The following PLCH2 variants were observed in gnomAD, a reference collection of about 807,000 sequenced individuals.
The protein encoded by PLCH2 is phospholipase C eta 2.
PLCH2 carries 98 observed loss-of-function variants against 134.7 expected under a neutral mutation model. That is an observed-to-expected ratio of 0.73 (90% CI 0.62 to 0.86). PLCH2 has a LOEUF of 0.86. PLCH2 is among the 40% of genes least tolerant of loss of function. The pLI is 0.00. For synonymous variants in PLCH2, 974 were observed against 827.5 expected, an observed-to-expected ratio of 1.18 and a Z score of -3.04; for missense variants, 1,994 against 1,986.6, an observed-to-expected ratio of 1.00 and a Z score of -0.07.
chr1:2,496,979 G>T lies in PLCH2; in HGVS notation c.2085G>T (p.Pro695=). ...GTGTGGACTCCAGCAACTACAACCC[G>T]CAGCCCTTCTGGAACGCCGGCTGCC... ...SYRVDSSNYN[P]QPFWNAGCQM... The change falls in exon 15 of 22, where the codon CCG becomes CCT. Residue 695 remains proline, a synonymous_variant. Coordinates refer to ENST00000378486, the MANE Select transcript of PLCH2 (RefSeq NM_014638.4). 6.2e-7 allele frequency: 1 copy of T among 1,613,268 alleles called. No homozygotes were observed. Among genetic ancestry groups the T allele is most frequent in the Non-Finnish European group, 8.5e-7 (1 of 1,179,798 alleles).
chr1:2,454,467 G>A (rs1335100959), intron 2 of PLCH2, among the ~76,000 whole-genome samples: 2 of 152,210 alleles, frequency 1.3e-5, no homozygotes, highest in African/African-American at 4.8e-5. Context: ...TCCCCTCCGG[G>A]AGGATGGTCT....
chr1:2,445,507 G>C (rs1334801902), intron 2 of PLCH2, among the ~76,000 whole-genome samples: 1 of 152,050 alleles, frequency 6.6e-6, no homozygotes, highest in Non-Finnish European at 1.5e-5. Context: ...CTGAGCATGA[G>C]GCTGGGGTCA....
At chr1:2,416,187 C>A in the PLCH2 span, among the ~76,000 whole-genome samples, 2 of 152,208 alleles carry the variant, frequency 1.3e-5, no homozygotes, top group Non-Finnish European at 2.9e-5. Context: ...CTCAGGACCC[C>A]GAGGAGGGCA....
chr1:2,431,136 G>A (rs531260118), intron 2 of PLCH2, among the ~76,000 whole-genome samples: 19 of 152,200 alleles, frequency 1.2e-4, no homozygotes, highest in African/African-American at 3.1e-4. Flanking sequence ...GCTGCCCTGC[G>A]TGTGCGTGTG....
chr1:2,449,631 C>T (rs139260444), intron 2 of PLCH2, among the ~76,000 whole-genome samples: 1 of 152,228 alleles, frequency 6.6e-6, no homozygotes, highest in East Asian at 1.9e-4. Context: ...CTGGGTGGGG[C>T]AGCTCTGCCC....
At chr1:2,487,802 A>G (rs570455033) in intron 8 of PLCH2, 84 bp downstream of exon 8, 39 of 1,316,980 alleles carry the variant, frequency 3.0e-5, no homozygotes, top group Middle Eastern at 4.1e-4. Flanking sequence ...CCACACCCAC[A>G]TGTCCTTTCT....
the PLCH2 span, among the ~76,000 whole-genome samples, chr1:2,418,212 A>G: frequency 6.6e-6 from 1 of 152,106 alleles, no homozygotes; most frequent in Non-Finnish European, 1.5e-5. Flanking sequence ...TGGTTTCTGA[A>G]TTTTGTTTTT....
intron 13 of PLCH2, among the ~76,000 whole-genome samples, chr1:2,496,263 C>T (rs921589387): frequency 1.3e-5 from 2 of 152,218 alleles, no homozygotes; most frequent in African/African-American, 4.8e-5. Flanking sequence ...CTGGCCTCCT[C>T]TCCACATAGC....
At chr1:2,416,427 C>T in the PLCH2 span, among the ~76,000 whole-genome samples, 1 of 152,160 alleles carries the variant, frequency 6.6e-6, no homozygotes, top group Non-Finnish European at 1.5e-5. Flanking sequence ...CTCGGGAAGC[C>T]CCTCGCAGTG....
intron 21 of PLCH2, chr1:2,503,064 C>G (rs1219793831): frequency 1.4e-6 from 1 of 706,470 alleles, no homozygotes; most frequent in Admixed American, 2.0e-5. Context: ...ACTCTGCTCC[C>G]TTGGCTTGCC....
intron 20 of PLCH2, chr1:2,501,774 G>A (rs920441878): frequency 1.1e-5 from 3 of 277,718 alleles, no homozygotes; most frequent in Non-Finnish European, 2.0e-5. Flanking sequence ...GCTGGGGCTC[G>A]AGGTCTCTCC....
At chr1:2,471,543 T>A (rs1641325270), upstream of PLCH2, among the ~76,000 whole-genome samples, 1 of 152,200 alleles carries the variant, frequency 6.6e-6, no homozygotes, top group Non-Finnish European at 1.5e-5. Context: ...GGTGGCCGGA[T>A]GACAGAAGAA....
intron 11 of PLCH2, 45 bp downstream of exon 11, chr1:2,491,380 C>T (rs372581639): frequency 1.9e-5 from 31 of 1,590,624 alleles, no homozygotes; most frequent in Middle Eastern, 1.9e-4. Context: ...CAGGCCCCCC[C>T]GACAGCCAGC....
intron 10 of PLCH2, among the ~76,000 whole-genome samples, chr1:2,490,485 C>T (rs897979457): frequency 7.2e-5 from 11 of 152,090 alleles, no homozygotes; most frequent in East Asian, 3.9e-4. Flanking sequence ...TCGGGGGCGC[C>T]GATCTCCTCT....
intron 21 of PLCH2, chr1:2,503,164 C>CA: frequency 3.2e-6 from 2 of 632,622 alleles, no homozygotes; most frequent in Non-Finnish European, 5.8e-6. Flanking sequence ...TGGGAAGAAC[C>CA]AGCTGCTCTT....
intron 2 of PLCH2, among the ~76,000 whole-genome samples, chr1:2,430,935 G>C (rs556708456): frequency 1.3e-5 from 2 of 152,198 alleles, no homozygotes; most frequent in African/African-American, 4.8e-5. Context: ...TGCACTGGGG[G>C]GGTCTGGGAG....
chr1:2,452,824 G>T (rs982321236), intron 2 of PLCH2, among the ~76,000 whole-genome samples: 1 of 152,218 alleles, frequency 6.6e-6, no homozygotes, highest in Non-Finnish European at 1.5e-5. Context: ...GCCTGGCCCC[G>T]GGTGCAGCAA....
rs1378334240 is a variant in PLCH2 at position 2,487,182 on chromosome 1, A to G, written c.920A>G (p.Asn307Ser). Residue 307 changes from asparagine to serine, a missense_variant, in exon 7 of 22, where the codon AAC becomes AGC. Physicochemically the swap from Asn to Ser is conservative, Grantham distance 46. Coordinates refer to ENST00000378486, the MANE Select transcript of PLCH2 (RefSeq NM_014638.4). ...CCACGCCGTCCTGCAGGCTTCACCA[A>G]CTACACCAGGAGCCCTGCTGGTGAC... ...KGLLGIDGFT[N>S]YTRSPAGDIF... 2 of 1,568,106 alleles carry G rather than the reference A, an allele frequency of 1.3e-6. No individual in the cohort carries two copies. The highest frequency in any genetic ancestry group is 2.7e-5 in the African/African-American group (2 of 73,772).
At chr1:2,454,421 C>G (rs1640388859) in intron 2 of PLCH2, among the ~76,000 whole-genome samples, 1 of 152,196 alleles carries the variant, frequency 6.6e-6, no homozygotes, top group Non-Finnish European at 1.5e-5. Flanking sequence ...GAGGCGGCAC[C>G]ACGTGACATG....
Sources: allele counts gnomAD v4.1 joint callset (sites outside exome capture counted in the v4.1 genomes callset), GRCh38; gene constraint gnomAD v4.1.1; transcripts MANE v1.5; gene names NCBI Gene and HGNC (gene_info 2026-07-23, HGNC 2026-07-21).